SEPTIN1: variants seen among roughly 807,000 people sequenced by gnomAD.
SEPTIN1 encodes the protein septin 1.
In SEPTIN1, 52 loss-of-function variants were observed where a neutral mutation model predicts 50.7. That is an observed-to-expected ratio of 1.03 (90% CI 0.82 to 1.29). The LOEUF (loss-of-function observed/expected upper bound fraction) is 1.29. SEPTIN1 is among the 50% of genes most tolerant of loss of function. The pLI is 0.00. For synonymous variants in SEPTIN1, 204 were observed against 189.1 expected (o/e 1.08, Z -0.65); for missense variants, 455 against 490.7 (o/e 0.93, Z 0.69).
chr16:30,381,693 T>A lies in SEPTIN1; in HGVS notation c.320+67A>T. Reference sequence around the variant, plus strand: ...GAGATAGGGAGCCAGCACAAACCAGTCCTGTAACTCTCCAGGGAGTCGCCA... The same window carrying A: ...GAGATAGGGAGCCAGCACAAACCAGACCTGTAACTCTCCAGGGAGTCGCCA... On this transcript the variant is annotated intron_variant, in intron 4 of 10. Coordinates refer to ENST00000321367, the MANE Select transcript of SEPTIN1 (RefSeq NM_001365977.2). The surrounding 1 kb of genome is among the most constrained non-coding windows in gnomAD (Gnocchi z 4.3). 6.3e-7 allele frequency: 1 copy of A among 1,596,052 alleles called. No individual in the cohort carries two copies. Among genetic ancestry groups the A allele is most frequent in the Non-Finnish European group, 8.5e-7 (1 of 1,171,292 alleles).
Position 30,381,294 on chromosome 16 carries a change from CA to C in SEPTIN1, c.455+44del. ...CCAGCCTCAGGGGGCAGAGACCCCC[CA>C]GCCCTCCCTAAATGCGCCAGCCCCC... On this transcript the variant is annotated intron_variant, in intron 5 of 10. Transcript: ENST00000321367. The surrounding 1 kb of genome is among the most constrained non-coding windows in gnomAD (Gnocchi z 4.3). 1 of 1,611,128 alleles carries C rather than the reference CA, an allele frequency of 6.2e-7. No homozygotes were observed. Among genetic ancestry groups the C allele is most frequent in the South Asian group, 1.1e-5 (1 of 90,992 alleles).
At chr16:30,378,795 A>G (rs1008245192) in intron 9 of SEPTIN1, 95 bp from the exon 10 acceptor site, 10 of 1,156,724 alleles carry the variant, frequency 8.6e-6, no homozygotes, top group Non-Finnish European at 1.2e-5. Flanking sequence ...GTTGGGGTCT[A>G]GGAGGCGGAG....
Position 30,381,705 on chromosome 16 carries a change from C to T in SEPTIN1, c.320+55G>A. On this transcript the variant is annotated intron_variant, in intron 4 of 10. Coordinates refer to ENST00000321367, the MANE Select transcript of SEPTIN1 (RefSeq NM_001365977.2). The surrounding 1 kb of genome is among the most constrained non-coding windows in gnomAD (Gnocchi z 4.3). ...CAGCACAAACCAGTCCTGTAACTCT[C>T]CAGGGAGTCGCCACTGTGAAAGGCT... 1 of 1,604,314 alleles carries T rather than the reference C, an allele frequency of 6.2e-7. No individual in the cohort carries two copies. Among genetic ancestry groups the T allele is most frequent in the Non-Finnish European group, 8.5e-7 (1 of 1,175,376 alleles).
chr16:30,380,134 CAGAG>C (rs1197485441), intron 6 of SEPTIN1, 101 bp from the exon 7 acceptor site: 7 of 932,326 alleles, frequency 7.5e-6, no homozygotes, highest in Non-Finnish European at 1.1e-5. Flanking sequence ...TGGTCAGAGA[CAGAG>C]AGAAAGACAT....
intron 9 of SEPTIN1, 56 bp downstream of exon 9, chr16:30,378,962 G>A: frequency 6.4e-7 from 1 of 1,562,036 alleles, no homozygotes; most frequent in Non-Finnish European, 8.7e-7. Context: ...CTCAGGGCGG[G>A]GTCATGGGTG....
Position 30,378,515 on chromosome 16 carries a change from G to A in SEPTIN1, c.1038C>T (p.Arg346=), listed in dbSNP as rs550819100. 1.3e-6 allele frequency: 2 copies of A among 1,585,946 alleles called. No homozygotes were observed. Among genetic ancestry groups the A allele is most frequent in the African/African-American group, 2.7e-5 (2 of 73,856 alleles). The change falls in exon 11 of 11, where the codon CGC becomes CGT. Residue 346 remains arginine, a synonymous_variant. Coordinates refer to ENST00000321367, the MANE Select transcript of SEPTIN1 (RefSeq NM_001365977.2). ...KLIREKDEEL[R]RMQEMLEKMQ... is the part of the protein sequence containing the mutation. ...TCTTCTCCAGCATCTCTTGCATGCG[G>A]CGCAGCTGTGCAGGGCGAGATTGCA...
Position 30,382,082 on chromosome 16 carries a change from G to C in SEPTIN1, c.196+11C>G. 1 of 1,577,796 alleles carries C rather than the reference G, an allele frequency of 6.3e-7. No individual in the cohort carries two copies. Among genetic ancestry groups the C allele is most frequent in the East Asian group, 2.3e-5 (1 of 42,664 alleles). On this transcript the variant is annotated intron_variant, in intron 3 of 10. Coordinates refer to ENST00000321367, the MANE Select transcript of SEPTIN1 (RefSeq NM_001365977.2). The surrounding 1 kb of genome is among the most constrained non-coding windows in gnomAD (Gnocchi z 4.8). ...GGGGCTACTGCCTCAAGAGGGTGGG[G>C]AGGGTCTTACCACTGGCCTCTGGCA... is the stretch of plus-strand genomic sequence containing the variant.
chr16:30,381,341 C>G lies in SEPTIN1; in HGVS notation c.453G>C (p.Arg151=), dbSNP rs1490883336. 5.0e-6 allele frequency: 8 copies of G among 1,613,364 alleles called. No individual in the cohort carries two copies. The highest frequency in any genetic ancestry group is 6.8e-6 in the Non-Finnish European group (8 of 1,179,674). ...CCLYFISPFG[R]GLRPLDVAFL... ...CCCCCAGGATCCCCCCACCAGACCC[C>G]CGGCCGAAGGGTGAGATGAAGTAGA... The change falls in exon 5 of 11, where the codon CGG becomes CGC. Residue 151 remains arginine, a splice_region_variant and synonymous_variant. Transcript: ENST00000321367. This position sits in a 1 kb window ranked among gnomAD's most constrained non-coding sequence, Gnocchi z 4.3.
rs113400311 is a variant in SEPTIN1, at chr16:30,378,378, T to C, written c.*56A>G. On this transcript the variant is annotated 3_prime_UTR_variant, in exon 11 of 11. Coordinates refer to ENST00000321367, the MANE Select transcript of SEPTIN1 (RefSeq NM_001365977.2). The stretch of plus-strand genomic sequence containing the variant: ...CGCTGGGCAGTGTGGGGCGCGGGGA[T>C]TGGACAAGAGGCCGACTGAAGGCGG... 52 of 1,469,612 alleles carry C rather than the reference T, an allele frequency of 3.5e-5. No individual in the cohort carries two copies. In the African/African-American group the frequency reaches 7.0e-4, roughly 20 times the overall value. The allele number at this position is 1,469,612 out of a possible 1,614,324, so 91.0% of individuals were successfully genotyped here. A position where few individuals can be genotyped will look rare whatever the true frequency, so the allele number is the denominator to read the frequency against.
chr16:30,379,251 G>A (rs1405992184), intron 8 of SEPTIN1, 68 bp from the exon 9 acceptor site: 2 of 1,583,594 alleles, frequency 1.3e-6, no homozygotes, highest in African/African-American at 2.7e-5. Context: ...CGTAAGGGTC[G>A]GGTCTACAGG....
intron 9 of SEPTIN1, 47 bp downstream of exon 9, chr16:30,378,971 T>A: frequency 6.3e-7 from 1 of 1,578,656 alleles, no homozygotes. Context: ...GGGTCATGGG[T>A]GAGGCGGGAC....
rs1323778773 is a variant in SEPTIN1 at position 30,381,376 on chromosome 16, G to A, written c.418C>T (p.His140Tyr). The A allele has an allele frequency of 6.2e-7, 1 of 1,613,456 alleles. No individual in the cohort carries two copies. The highest frequency in any genetic ancestry group is 8.5e-7 in the Non-Finnish European group (1 of 1,179,734). ...GGTGAGATGAAGTAGAGGCAGCAGT[G>A]GACTCGGGAGTCCTGGATGTTCTTC... ...NRKNIQDSRVHCCLYFISPFG... is the reference protein window; with the variant it reads ...NRKNIQDSRVYCCLYFISPFG... The change falls in exon 5 of 11, where the codon CAC (histidine) becomes TAC (tyrosine). Residue 140 changes from histidine (H) to tyrosine (Y), a missense_variant. By Grantham distance (83) the His-to-Tyr change is moderately conservative. Transcript: ENST00000321367. The surrounding 1 kb of genome is among the most constrained non-coding windows in gnomAD (Gnocchi z 4.3).
intron 7 of SEPTIN1, 21 bp downstream of exon 7, chr16:30,379,911 T>G (rs372572766): frequency 7.3e-7 from 1 of 1,374,966 alleles, no homozygotes; most frequent in South Asian, 1.2e-5. Flanking sequence ...CCGGCCTGCC[T>G]TCCTTCTTTG....
In SEPTIN1 at chr16:30,382,363, G is replaced by T. The variant is rs760654677; in HGVS notation, c.21C>A (p.Asp7Glu). 6.2e-7 allele frequency: 1 copy of T among 1,610,746 alleles called. No homozygotes were observed. The highest frequency in any genetic ancestry group is 2.2e-5 in the East Asian group (1 of 44,878). Reference sequence around the variant, plus strand: ...GGGCAGCAAAACCCACGTACTCCTTGTCCTATGGATGGGGGTGGACAATAT... The same window carrying T: ...GGGCAGCAAAACCCACGTACTCCTTTTCCTATGGATGGGGGTGGACAATAT... MAGGVM[D>E]KEYVGFAALP... The change falls in exon 2 of 11, where the codon GAC becomes GAA. Residue 7 changes from aspartate (D) to glutamate (E), a missense_variant and splice_region_variant. By Grantham distance (45) the Asp-to-Glu change is conservative. Coordinates refer to ENST00000321367, the MANE Select transcript of SEPTIN1 (RefSeq NM_001365977.2). This position sits in a 1 kb window ranked among gnomAD's most constrained non-coding sequence, Gnocchi z 4.8.
Position 30,379,308 on chromosome 16 carries a change from G to A in SEPTIN1, c.776-125C>T, listed in dbSNP as rs571090118. The A allele has an allele frequency of 7.0e-5, 101 of 1,444,408 alleles. No individual in the cohort carries two copies. The South Asian group carries it at 1.1e-3, about 15-fold the overall frequency. The allele number at this position is 1,444,408 out of a possible 1,614,324, so 89.5% of individuals were successfully genotyped here. On this transcript the variant is annotated intron_variant, in intron 8 of 10. Transcript: ENST00000321367. Reference sequence around the variant, plus strand: ...CGGAGGGTCCGCGGTCTGCAGCCCAGCGACCCCCCTTTCCTCCTAGGATCC... The same window carrying A: ...CGGAGGGTCCGCGGTCTGCAGCCCAACGACCCCCCTTTCCTCCTAGGATCC...
In SEPTIN1 at chr16:30,382,465, G is replaced by A; in HGVS notation, c.18+60C>T. The A allele has an allele frequency of 6.4e-7, 1 of 1,569,162 alleles. No individual in the cohort carries two copies. Among genetic ancestry groups the A allele is most frequent in the Non-Finnish European group, 8.7e-7 (1 of 1,144,958 alleles). Reference sequence around the variant, plus strand: ...GCTAGGAAGAGTCAGTGGGGTCTGGGGACCCCAGGCATGGGGGCTGGGGGC... The same window carrying A: ...GCTAGGAAGAGTCAGTGGGGTCTGGAGACCCCAGGCATGGGGGCTGGGGGC... On this transcript the variant is annotated intron_variant, in intron 1 of 10. Transcript: ENST00000321367. The surrounding 1 kb of genome is among the most constrained non-coding windows in gnomAD (Gnocchi z 4.8).
Position 30,381,995 on chromosome 16 carries a change from A to G in SEPTIN1, c.196+98T>C. 5 of 1,600,534 alleles carry G rather than the reference A, an allele frequency of 3.1e-6. No individual in the cohort carries two copies. Among genetic ancestry groups the G allele is most frequent in the African/African-American group, 1.3e-5 (1 of 74,490 alleles). ...ATTTCCCAGGGGAGGAAAGTCTCAG[A>G]AAAAAAGCAGTCAACTACCTGAGTC... On this transcript the variant is annotated intron_variant, in intron 3 of 10. Coordinates refer to ENST00000321367, the MANE Select transcript of SEPTIN1 (RefSeq NM_001365977.2). This position sits in a 1 kb window ranked among gnomAD's most constrained non-coding sequence, Gnocchi z 4.3.
rs538400178 is a variant in SEPTIN1, at chr16:30,379,081, C to T, written c.878G>A (p.Gly293Asp). The T allele has an allele frequency of 6.2e-7, 1 of 1,613,936 alleles. No homozygotes were observed. The highest frequency in any genetic ancestry group is 8.5e-7 in the Non-Finnish European group (1 of 1,179,992). ...GCTCTGTAGGCAGCGGGCCCGGTAG[C>T]CCTCGTAGAGCAGATCGTGCGTCAC... ...KEVTHDLLYE[G>D]YRARCLQSLA... The change falls in exon 9 of 11, where the codon GGC becomes GAC. Residue 293 changes from glycine to aspartate, a missense_variant. Coordinates refer to ENST00000321367, the MANE Select transcript of SEPTIN1 (RefSeq NM_001365977.2).
At position 30,381,928 on chromosome 16, in the gene SEPTIN1, C is replaced by T; in HGVS notation, c.197-45G>A. ...TCAGGGATCCGGGGAGGCTCTGAGG[C>T]AGAATTAATTTCCTTTGTCAATATC... is the stretch of plus-strand genomic sequence containing the variant. On this transcript the variant is annotated intron_variant, in intron 3 of 10. Transcript: ENST00000321367. The surrounding 1 kb of genome is among the most constrained non-coding windows in gnomAD (Gnocchi z 4.3). 6.2e-7 allele frequency: 1 copy of T among 1,611,250 alleles called. No homozygotes were observed. The highest frequency in any genetic ancestry group is 8.5e-7 in the Non-Finnish European group (1 of 1,178,712).
Sources: allele counts gnomAD v4.1 joint callset, GRCh38; gene constraint gnomAD v4.1.1; non-coding constraint Gnocchi (gnomAD v3.1); transcripts MANE v1.5; gene names NCBI Gene and HGNC (gene_info 2026-07-23, HGNC 2026-07-21).